The following DCAF1 variants were observed in gnomAD, a reference collection of about 807,000 sequenced individuals.
DCAF1 encodes DDB1 and CUL4 associated factor 1.
Under a neutral mutation model 128.0 loss-of-function variants are expected in DCAF1, and 15 were observed. That is an observed-to-expected ratio of 0.12 (90% CI 0.08 to 0.18). The LOEUF (loss-of-function observed/expected upper bound fraction) is 0.18, where lower values mean the gene tolerates loss of function less well. Ranked by LOEUF, DCAF1 falls within the 10% of genes least tolerant of loss-of-function variation. DCAF1 has a pLI of 1.00. For synonymous variants in DCAF1, 610 were observed against 603.0 expected (o/e 1.01, Z -0.17); for missense variants, 988 against 1,649.5 (o/e 0.60, Z 6.95).
chr3:51,426,444 A>T (rs546354518), intron 13 of DCAF1, among the ~76,000 whole-genome samples: 2 of 152,288 alleles, frequency 1.3e-5, no homozygotes, highest in East Asian at 3.9e-4. Flanking sequence ...TTCGGACCTC[A>T]AGTGATCTGC....
intron 6 of DCAF1, among the ~76,000 whole-genome samples, chr3:51,446,109 T>C (rs1164404500): frequency 6.6e-6 from 1 of 151,436 alleles, no homozygotes; most frequent in Non-Finnish European, 1.5e-5. Context: ...TTCTCCTGCC[T>C]TGGCCTCCCG....
chr3:51,427,689 G>A (rs1553634503), intron 12 of DCAF1, 148 bp from the exon 13 acceptor site: 2 of 415,764 alleles, frequency 4.8e-6, no homozygotes, highest in Non-Finnish European at 8.5e-6. Flanking sequence ...CTGGAGGGCA[G>A]TGGCTTGATC....
chr3:51,464,481 G>A (rs1703929012), intron 5 of DCAF1, among the ~76,000 whole-genome samples: 1 of 151,904 alleles, frequency 6.6e-6, no homozygotes, highest in African/African-American at 2.4e-5. Flanking sequence ...GATGGCTTGA[G>A]CCCAGGAGTT....
downstream of DCAF1, chr3:51,396,100 ATGT>A (rs1219965688): frequency 7.3e-6 from 3 of 410,118 alleles, no homozygotes; most frequent in Admixed American, 4.4e-5. Context: ...CTGCCTTGGT[ATGT>A]TGTTAAGTCC....
intron 3 of DCAF1, among the ~76,000 whole-genome samples, chr3:51,480,393 G>C (rs1235479328): frequency 6.6e-6 from 1 of 151,786 alleles, no homozygotes; most frequent in Non-Finnish European, 1.5e-5. Context: ...TCAGGAGTTC[G>C]AGACCAGCCT....
rs1317390934 is a variant in DCAF1 at position 51,429,300 on chromosome 3, A to C, written c.1638T>G (p.Thr546=). The C allele has an allele frequency of 3.8e-6, 3 of 780,424 alleles. No individual in the cohort carries two copies. Among genetic ancestry groups the C allele is most frequent in the East Asian group, 2.4e-5 (1 of 41,262 alleles). The allele number at this position is 780,424 out of a possible 1,614,324, so 48.3% of individuals were successfully genotyped here. ...LEQVKQSLQR[T]EGGILVHPQP... is the part of the protein sequence containing the mutation. ...GTGGGTGGACAAGAATGCCACCCTC[A>C]GTCCTCTGAAGTGACTGCTTCACTT... Residue 546 remains threonine, a synonymous_variant, in exon 12 of 25, where the codon ACT becomes ACG. Transcript: ENST00000684031.
chr3:51,496,533 G>C (rs546213776), intron 2 of DCAF1, among the ~76,000 whole-genome samples: 10 of 151,744 alleles, frequency 6.6e-5, no homozygotes, highest in Admixed American at 6.0e-4. Flanking sequence ...ATGGTGACAC[G>C]GTAGTTACCA....
chr3:51,434,548 T>C (rs1700652300), intron 9 of DCAF1, among the ~76,000 whole-genome samples: 1 of 152,240 alleles, frequency 6.6e-6, no homozygotes, highest in Non-Finnish European at 1.5e-5. Context: ...AATGGACTTT[T>C]GCTAACTTTC....
At chr3:51,483,186 A>G (rs917305942) in intron 3 of DCAF1, among the ~76,000 whole-genome samples, 1 of 148,540 alleles carries the variant, frequency 6.7e-6, no homozygotes, top group Non-Finnish European at 1.5e-5. Context: ...CTGTAATCCT[A>G]GCACTTTGGG....
At position 51,437,490 on chromosome 3, in the gene DCAF1, G is replaced by A. The variant is rs781845722; in HGVS notation, c.1128+3480C>T. 7.2e-5 allele frequency: 30 copies of A among 414,382 alleles called. No individual in the cohort carries two copies. In the Middle Eastern group the frequency reaches 1.4e-3, roughly 19 times the overall value. 25.7% of individuals were successfully genotyped at this position (414,382 alleles called of 1,614,324 possible). A position where few individuals can be genotyped will look rare whatever the true frequency, so the allele number is the denominator to read the frequency against. ...AGTTCTCAACAGGTAACTACTGAGA[G>A]ATGAGGTCATTAAAATTACTTTTTT... On this transcript the variant is annotated intron_variant, in intron 9 of 24. Transcript: ENST00000684031.
At chr3:51,464,468 G>C (rs1028743785) in intron 5 of DCAF1, among the ~76,000 whole-genome samples, 2 of 151,972 alleles carry the variant, frequency 1.3e-5, no homozygotes, top group Non-Finnish European at 2.9e-5. Flanking sequence ...GCCAAAATCT[G>C]AGGATGGCTT....
chr3:51,396,137 A>C (rs1343304754), downstream of DCAF1: 1 of 401,514 alleles, frequency 2.5e-6, no homozygotes, highest in African/African-American at 2.1e-5. Context: ...TGGGCTACCT[A>C]TCTTCCTTCA....
chr3:51,430,955 G>T (rs1700314540), intron 10 of DCAF1, among the ~76,000 whole-genome samples: 1 of 152,148 alleles, frequency 6.6e-6, no homozygotes, highest in Non-Finnish European at 1.5e-5. Context: ...GATCACAGGA[G>T]CCCATCGCTT....
the DCAF1 span, among the ~76,000 whole-genome samples, chr3:51,505,628 G>A: frequency 6.6e-6 from 1 of 152,236 alleles, no homozygotes; most frequent in Non-Finnish European, 1.5e-5. Flanking sequence ...GCTTCAGCAG[G>A]TCCAGGCTTC....
chr3:51,408,545 T>C (rs1292922655), intron 23 of DCAF1, among the ~76,000 whole-genome samples: 1 of 152,202 alleles, frequency 6.6e-6, no homozygotes, highest in African/African-American at 2.4e-5. Flanking sequence ...AACTAGAGAC[T>C]GGTTTTCCTA....
At chr3:51,443,135 C>T (rs1380563276) in intron 7 of DCAF1, among the ~76,000 whole-genome samples, 1 of 152,102 alleles carries the variant, frequency 6.6e-6, no homozygotes, top group African/African-American at 2.4e-5. Context: ...TAAGTGTTCA[C>T]AATCAATTTA....
Position 51,441,522 on chromosome 3 carries a change from C to T in DCAF1, c.889G>A (p.Val297Ile). ...FSSSDPDRMF[V>I]ELSNSSWSEM... ...GACCAACTGCTATTAGACAGCTCAA[C>T]AAACATGCGATCTGGATCAGAAGAT... The change falls in exon 8 of 25, where the codon GTT (valine) becomes ATT (isoleucine). Residue 297 changes from valine (V) to isoleucine (I), a missense_variant. Around this residue, in one of 11 missense-constraint regions of DCAF1, gnomAD observed 210 missense variants for 260.2 expected, o/e 0.81. Transcript: ENST00000684031. 2 of 1,614,012 alleles carry T rather than the reference C, an allele frequency of 1.2e-6. No individual in the cohort carries two copies. The highest frequency in any genetic ancestry group is 8.5e-7 in the Non-Finnish European group (1 of 1,179,898).
In DCAF1 at chr3:51,466,889, G is replaced by A. The variant is rs1704179658; in HGVS notation, c.188-13C>T. On this transcript the variant is annotated splice_polypyrimidine_tract_variant and intron_variant, in intron 4 of 24. Coordinates refer to ENST00000684031, the MANE Select transcript of DCAF1 (RefSeq NM_001387579.1). ...GGATCAGCTCGACCTACCAAGAGAAGAGGGGAGGAACAAACAAAGGAATGA... is the reference window on the plus strand; with the variant it reads ...GGATCAGCTCGACCTACCAAGAGAAAAGGGGAGGAACAAACAAAGGAATGA... The A allele has an allele frequency of 2.5e-6, 4 of 1,613,330 alleles. No individual in the cohort carries two copies. Among genetic ancestry groups the A allele is most frequent in the Non-Finnish European group, 2.5e-6 (3 of 1,179,452 alleles).
intron 13 of DCAF1, 98 bp from the exon 14 acceptor site, chr3:51,422,529 C>A: frequency 1.5e-6 from 1 of 678,078 alleles, no homozygotes; most frequent in Non-Finnish European, 2.7e-6. Context: ...CACATACACA[C>A]AGAGACAATA....
Sources: allele counts gnomAD v4.1 joint callset (sites outside exome capture counted in the v4.1 genomes callset), GRCh38; gene constraint gnomAD v4.1.1; regional missense constraint gnomAD v4.1.1; transcripts MANE v1.5; gene names NCBI Gene and HGNC (gene_info 2026-07-23, HGNC 2026-07-21).